GOLGA3: variants seen among roughly 807,000 people sequenced by gnomAD.
The protein encoded by GOLGA3 is golgin A3.
Under a neutral mutation model 169.4 loss-of-function variants are expected in GOLGA3, and 75 were observed. The observed-to-expected ratio is 0.44, with a 90% CI of 0.37 to 0.54. The LOEUF (loss-of-function observed/expected upper bound fraction) is 0.54, where lower values mean the gene tolerates loss of function less well. Ranked by LOEUF, GOLGA3 falls within the 20% of genes least tolerant of loss-of-function variation. GOLGA3 has a pLI of 0.00. For synonymous variants in GOLGA3, 824 were observed against 822.4 expected (o/e 1.00, Z -0.03); for missense variants, 1,899 against 1,930.0 (o/e 0.98, Z 0.30).
In GOLGA3 at chr12:132,776,745, G is replaced by A. The variant is rs141085017; in HGVS notation, c.3867C>T (p.Leu1289=). Reference sequence around the variant, plus strand: ...TTTCTTTCTGATCCACCTCCCATTTGAGATTTTCCATCTAAAGAGGGGAAA... The same window carrying A: ...TTTCTTTCTGATCCACCTCCCATTTAAGATTTTCCATCTAAAGAGGGGAAA... The part of the protein sequence containing the change: ...QPVGNQEMEN[L]KWEVDQKERE... The change falls in exon 21 of 24, where the codon CTC becomes CTT. Residue 1289 remains leucine, a synonymous_variant. Coordinates refer to ENST00000450791, the MANE Select transcript of GOLGA3 (RefSeq NM_001389683.1). 1.9e-5 allele frequency: 30 copies of A among 1,613,974 alleles called. No individual in the cohort carries two copies. The highest frequency in any genetic ancestry group is 2.4e-5 in the Non-Finnish European group (28 of 1,179,988).
At position 132,795,878 on chromosome 12, in the gene GOLGA3, C is replaced by G. The variant is rs1030061406; in HGVS notation, c.2443G>C (p.Glu815Gln). 6.2e-7 allele frequency: 1 copy of G among 1,613,722 alleles called. No homozygotes were observed. The highest frequency in any genetic ancestry group is 1.3e-5 in the African/African-American group (1 of 75,050). ...ETSETLEKLR[E>Q]ELAIKSGQVE... Reference sequence around the variant, plus strand: ...TGGCCGGATTTGATAGCTAATTCTTCTCTTAACTTCTCTAAAGTTTCCGAC... The same window carrying G: ...TGGCCGGATTTGATAGCTAATTCTTGTCTTAACTTCTCTAAAGTTTCCGAC... Residue 815 changes from glutamate to glutamine, a missense_variant, in exon 11 of 24, where the codon GAA becomes CAA. Coordinates refer to ENST00000450791, the MANE Select transcript of GOLGA3 (RefSeq NM_001389683.1).
intron 11 of GOLGA3, 83 bp downstream of exon 11, chr12:132,795,764 AAAAAG>A: frequency 1.4e-6 from 2 of 1,410,818 alleles, no homozygotes; most frequent in Non-Finnish European, 1.9e-6. Context: ...GTTTCAAAAA[AAAAAG>A]AAAGAAAGAA....
chr12:132,773,431 A>ATTTTTTAAT, intron 23 of GOLGA3, 137 bp from the exon 24 acceptor site: 1 of 453,504 alleles, frequency 2.2e-6, no homozygotes, highest in Non-Finnish European at 3.9e-6. Context: ...CTGAGACCAC[A>ATTTTTTAAT]GAAGCTCAGC....
intron 2 of GOLGA3, among the ~76,000 whole-genome samples, chr12:132,821,250 T>C (rs1950198645): frequency 1.3e-5 from 2 of 149,234 alleles, no homozygotes; most frequent in Non-Finnish European, 3.0e-5. Context: ...CTACTAAAAA[T>C]ACAAAAAATA....
chr12:132,802,267 A>AATAC (rs1949163500), intron 7 of GOLGA3, among the ~76,000 whole-genome samples: 1 of 152,250 alleles, frequency 6.6e-6, no homozygotes, highest in Non-Finnish European at 1.5e-5. Context: ...ACACCGATCT[A>AATAC]ATACATAGCG....
chr12:132,774,009 C>T, intron 23 of GOLGA3, 148 bp downstream of exon 23: 1 of 665,370 alleles, frequency 1.5e-6, no homozygotes. Context: ...ATATAAACCT[C>T]AGAGGCTATG....
chr12:132,784,562 T>G (rs1022795042), intron 15 of GOLGA3, among the ~76,000 whole-genome samples: 2 of 152,034 alleles, frequency 1.3e-5, no homozygotes, highest in African/African-American at 2.4e-5. Flanking sequence ...CAGAAGAAAA[T>G]CTGACCTGCA....
At chr12:132,818,107 C>A (rs907532815) in intron 2 of GOLGA3, among the ~76,000 whole-genome samples, 5 of 145,882 alleles carry the variant, frequency 3.4e-5, no homozygotes, top group African/African-American at 1.1e-4. Context: ...GTGAACCCCC[C>A]CTCCACTCCT....
In GOLGA3 at chr12:132,795,089, A is replaced by C. The variant is rs146497882; in HGVS notation, c.2469+763T>G. Among the ~76,000 whole-genome samples the C allele has an allele frequency of 1.0e-3, 152 of 151,304 alleles. 1 individual carries two copies. The highest frequency in any genetic ancestry group is 3.4e-3 in the African/African-American group (141 of 41,214). ...GTAGTCCTAGCTACTTGGGAGACTG[A>C]GGCAGGAGAATCACTTGAACCCCGG... On this transcript the variant is annotated intron_variant, in intron 11 of 23. Coordinates refer to ENST00000450791, the MANE Select transcript of GOLGA3 (RefSeq NM_001389683.1).
rs762020746 is a variant in GOLGA3, at chr12:132,808,328, G to A, written c.741C>T (p.Ala247=). The change falls in exon 5 of 24, where the codon GCC becomes GCT. Residue 247 remains alanine, a synonymous_variant. Coordinates refer to ENST00000450791, the MANE Select transcript of GOLGA3 (RefSeq NM_001389683.1). ...CATTTGAATCTTCAGTTCTGTAATC[G>A]GCCAGAGACCGGATTTTGCTTGATT... ...TSKSSKIRSL[A]DYRTEDSNAG... The A allele has an allele frequency of 7.4e-6, 12 of 1,614,110 alleles. No individual in the cohort carries two copies. Among genetic ancestry groups the A allele is most frequent in the South Asian group, 4.4e-5 (4 of 91,084 alleles).
intron 16 of GOLGA3, among the ~76,000 whole-genome samples, chr12:132,783,508 TG>T (rs200616769): frequency 2.1e-4 from 25 of 121,710 alleles, no homozygotes; most frequent in East Asian, 1.2e-3. Flanking sequence ...GGCTGGGGAG[TG>T]GGGGGCGCCG....
intron 17 of GOLGA3, 117 bp from the exon 18 acceptor site, chr12:132,781,031 G>A (rs555061369): frequency 1.4e-6 from 1 of 739,210 alleles, no homozygotes; most frequent in Non-Finnish European, 2.4e-6. Flanking sequence ...GGGAGGTAGA[G>A]GGAACTTCAC....
At chr12:132,812,356 G>A (rs1401534729) in intron 4 of GOLGA3, among the ~76,000 whole-genome samples, 1 of 152,120 alleles carries the variant, frequency 6.6e-6, no homozygotes, top group Non-Finnish European at 1.5e-5. Context: ...ATGGATCAAG[G>A]ACTAGTTTTG....
chr12:132,826,238 T>TC (rs1457172436), intron 1 of GOLGA3: 16 of 845,716 alleles, frequency 1.9e-5, no homozygotes, highest in Non-Finnish European at 2.5e-5. Flanking sequence ...TTTCTCATTC[T>TC]CCAAAAAAAA....
At chr12:132,811,409 G>A (rs1484773574) in intron 4 of GOLGA3, among the ~76,000 whole-genome samples, 5 of 151,922 alleles carry the variant, frequency 3.3e-5, no homozygotes, top group African/African-American at 9.7e-5. Context: ...CCTTTTTGTT[G>A]TTATAAATGT....
chr12:132,786,629 T>TCC, intron 14 of GOLGA3, 64 bp downstream of exon 14: 11 of 1,059,296 alleles, frequency 1.0e-5, no homozygotes, highest in Admixed American at 2.3e-5. Flanking sequence ...CTGGTTCGCC[T>TCC]CCCCCCCGGC....
At chr12:132,823,743 C>T (rs1040262447) in intron 1 of GOLGA3, among the ~76,000 whole-genome samples, 20 of 150,968 alleles carry the variant, frequency 1.3e-4, no homozygotes, top group African/African-American at 4.1e-4. Flanking sequence ...ACCAAGACCA[C>T]GCCATTGCAC....
chr12:132,813,161 C>T, intron 4 of GOLGA3, 146 bp downstream of exon 4: 1 of 621,538 alleles, frequency 1.6e-6, no homozygotes, highest in Admixed American at 2.6e-5. Context: ...TTTCAATTGG[C>T]AGATTTAGAA....
chr12:132,791,170 G>A (rs1290290540), intron 12 of GOLGA3, 46 bp downstream of exon 12: 4 of 1,054,214 alleles, frequency 3.8e-6, no homozygotes, highest in Middle Eastern at 2.4e-4. Flanking sequence ...AGAAAACTCT[G>A]TTCATATGCT....
Sources: gnomAD v4.1 joint callset for allele counts (sites outside exome capture counted in the v4.1 genomes callset) on GRCh38, gnomAD v4.1.1 for gene constraint, MANE v1.5 for transcripts, NCBI Gene and HGNC (gene_info 2026-07-23, HGNC 2026-07-21) for gene names.